Variants in SVEP1 observed in about 807,000 individuals in gnomAD.
SVEP1 encodes sushi, von Willebrand factor type A, EGF and pentraxin domain-containing protein 1.
Under a neutral mutation model 367.3 loss-of-function variants are expected in SVEP1, and 164 were observed. That is an observed-to-expected ratio of 0.45 (90% CI 0.39 to 0.51). The LOEUF is 0.51. Among genes scored for constraint, SVEP1 ranks in the 20% least tolerant of loss-of-function variants. SVEP1 has a pLI of 0.00. For missense variants in SVEP1, 4,117 were observed against 4,425.3 expected (o/e 0.93, Z 1.98); for synonymous variants, 1,666 against 1,611.6 (o/e 1.03, Z -0.81).
At position 110,375,462 on chromosome 9, in the gene SVEP1, T is replaced by C. The variant is rs760326832; in HGVS notation, c.10506A>G (p.Pro3502=). 3.3e-6 allele frequency: 2 copies of C among 600,696 alleles called. No homozygotes were observed. The highest frequency in any genetic ancestry group is 4.7e-6 in the Non-Finnish European group (2 of 428,090). The allele number at this position is 600,696 out of a possible 1,614,324, so 37.2% of individuals were successfully genotyped here. A position where few individuals can be genotyped will look rare whatever the true frequency, so the allele number is the denominator to read the frequency against. Residue 3502 remains proline (P), a splice_region_variant and synonymous_variant, in exon 46 of 48, where the codon CCA becomes CCG. Transcript: ENST00000374469. ...EGWMGRLCEE[P]ICILPCLNGG... ...CGTTCAGACAGGGAAGAATGCAGAT[T>C]GCTAAAAAAAAAAAAAAAAAAAAAA...
At chr9:110,573,067 G>T (rs1830584879) in intron 1 of SVEP1, among the ~76,000 whole-genome samples, 1 of 151,962 alleles carries the variant, frequency 6.6e-6, no homozygotes, top group Non-Finnish European at 1.5e-5. Flanking sequence ...TATCTTTTCA[G>T]CATAAAGAAC....
intron 1 of SVEP1, among the ~76,000 whole-genome samples, chr9:110,555,819 C>T (rs1001738949): frequency 6.6e-5 from 10 of 152,098 alleles, no homozygotes; most frequent in African/African-American, 2.4e-4. Flanking sequence ...TACCCCTCGC[C>T]CCAATCTTTG....
Position 110,427,616 on chromosome 9 carries a change from T to C in SVEP1, c.5950A>G (p.Thr1984Ala). 1.2e-6 allele frequency: 2 copies of C among 1,613,798 alleles called. No individual in the cohort carries two copies. The highest frequency in any genetic ancestry group is 1.7e-6 in the Non-Finnish European group (2 of 1,179,780). Residue 1984 changes from threonine to alanine, a missense_variant, in exon 36 of 48, where the codon ACC becomes GCC. By Grantham distance (58) the Thr-to-Ala change is moderately conservative. Coordinates refer to ENST00000374469, the MANE Select transcript of SVEP1 (RefSeq NM_153366.4). ...ITGNNFTFRN[T>A]VTYTCKEGYT... ...CCTTCTTTGCAAGTGTAAGTGACGGTGTTCCTGAAAGTGAAGTTATTCCCC... is the reference window on the plus strand; with the variant it reads ...CCTTCTTTGCAAGTGTAAGTGACGGCGTTCCTGAAAGTGAAGTTATTCCCC...
chr9:110,555,148 C>T (rs928582875), intron 1 of SVEP1, among the ~76,000 whole-genome samples: 1 of 150,516 alleles, frequency 6.6e-6, no homozygotes, highest in Admixed American at 6.6e-5. Flanking sequence ...GCTTCTTCTA[C>T]AAGGTCACAG....
chr9:110,400,790 T>C (rs924793804), intron 40 of SVEP1, 64 bp downstream of exon 40: 4 of 1,507,588 alleles, frequency 2.7e-6, no homozygotes, highest in Non-Finnish European at 3.6e-6. Flanking sequence ...GTGCTAATAC[T>C]GAAAGTATCC....
At chr9:110,527,461 A>G (rs1829954611) in intron 3 of SVEP1, among the ~76,000 whole-genome samples, 1 of 152,078 alleles carries the variant, frequency 6.6e-6, no homozygotes, top group Admixed American at 6.6e-5. Context: ...TTTGATAAAA[A>G]TGTAAAAATT....
At chr9:110,479,810 A>G in intron 12 of SVEP1, 54 bp from the exon 13 acceptor site, 1 of 1,570,266 alleles carries the variant, frequency 6.4e-7, no homozygotes, top group South Asian at 1.2e-5. Flanking sequence ...TAAAACAAAG[A>G]TTTGACTTTC....
chr9:110,495,244 C>A lies in SVEP1; in HGVS notation c.1800+1571G>T, dbSNP rs9657653. The stretch of plus-strand genomic sequence containing the variant: ...TGTAGTAGGCTGAATAACGGCCCCC[C>A]CAAAGATCATCCATGTTCTAATCCC... On this transcript the variant is annotated intron_variant, in intron 8 of 47. Transcript: ENST00000374469. 1.8e-3 allele frequency among the ~76,000 whole-genome samples: 279 copies of A among 152,172 alleles called. 5 individuals are homozygous for A. In the South Asian group the frequency reaches 0.027, roughly 15 times the overall value.
chr9:110,532,271 A>G (rs1434468460), intron 3 of SVEP1, among the ~76,000 whole-genome samples: 1 of 152,184 alleles, frequency 6.6e-6, no homozygotes, highest in Non-Finnish European at 1.5e-5. Context: ...CAAACATTAT[A>G]ATACCATATG....
intron 11 of SVEP1, 35 bp from the exon 12 acceptor site, chr9:110,481,471 G>A: frequency 1.5e-6 from 2 of 1,347,536 alleles, no homozygotes; most frequent in East Asian, 2.7e-5. Context: ...CATATATAGT[G>A]GTACAAGAAG....
Position 110,366,168 on chromosome 9 carries a change from G to T in SVEP1, c.*371C>A. ...CCACCTCATAAAATGGTACTATCCAGCAAAATATTATTTAGTAGCAAAATA... is the reference window on the plus strand; with the variant it reads ...CCACCTCATAAAATGGTACTATCCATCAAAATATTATTTAGTAGCAAAATA... On this transcript the variant is annotated 3_prime_UTR_variant, in exon 48 of 48. Coordinates refer to ENST00000374469, the MANE Select transcript of SVEP1 (RefSeq NM_153366.4). The T allele has an allele frequency of 5.7e-6, 1 of 175,602 alleles. No homozygotes were observed. The highest frequency in any genetic ancestry group is 1.2e-5 in the Non-Finnish European group (1 of 83,608). The allele number at this position is 175,602 out of a possible 1,614,324, so 10.9% of individuals were successfully genotyped here. A position where few individuals can be genotyped will look rare whatever the true frequency, so the allele number is the denominator to read the frequency against.
At chr9:110,555,173 C>A (rs1355029384) in intron 1 of SVEP1, among the ~76,000 whole-genome samples, 1 of 146,796 alleles carries the variant, frequency 6.8e-6, no homozygotes, top group African/African-American at 2.5e-5. Flanking sequence ...TAACTGTAAG[C>A]AAGACATTAA....
At chr9:110,396,526 CA>C (rs1008673001) in intron 40 of SVEP1, among the ~76,000 whole-genome samples, 3 of 152,030 alleles carry the variant, frequency 2.0e-5, no homozygotes, top group Non-Finnish European at 2.9e-5. Context: ...AATAGAGACA[CA>C]AAAAACTCTT....
chr9:110,578,861 GT>G (rs1830656486), intron 1 of SVEP1, among the ~76,000 whole-genome samples, 151 bp downstream of exon 1: 2 of 152,166 alleles, frequency 1.3e-5, no homozygotes, highest in African/African-American at 4.8e-5. Context: ...TAATAGGCGG[GT>G]AGCGATGACT....
At chr9:110,416,169 G>C (rs191717496) in intron 36 of SVEP1, among the ~76,000 whole-genome samples, 1 of 152,012 alleles carries the variant, frequency 6.6e-6, no homozygotes, top group East Asian at 1.9e-4. Flanking sequence ...TCACAAATGG[G>C]TTGGCAGACA....
Position 110,431,944 on chromosome 9 carries a change from G to A in SVEP1, c.5324C>T (p.Pro1775Leu), listed in dbSNP as rs780135187. Reference sequence around the variant, plus strand: ...ACAGTTTTTCCCATCTCCTGTGTACGGTGGGACACATGAACATATGTAGGA... The same window carrying A: ...ACAGTTTTTCCCATCTCCTGTGTACAGTGGGACACATGAACATATGTAGGA... ...DGSYICSCVPPYTGDGKNCAE... is the reference protein window; with the variant it reads ...DGSYICSCVPLYTGDGKNCAE... Residue 1775 changes from proline to leucine, a missense_variant, in exon 32 of 48, where the codon CCG (proline) becomes CTG (leucine). Coordinates refer to ENST00000374469, the MANE Select transcript of SVEP1 (RefSeq NM_153366.4). 14 of 1,613,370 alleles carry A rather than the reference G, an allele frequency of 8.7e-6. No individual in the cohort carries two copies. The highest frequency in any genetic ancestry group is 4.0e-5 in the African/African-American group (3 of 74,852).
At chr9:110,463,009 A>G (rs1395435263) in intron 18 of SVEP1, among the ~76,000 whole-genome samples, 1 of 152,132 alleles carries the variant, frequency 6.6e-6, no homozygotes, top group Non-Finnish European at 1.5e-5. Flanking sequence ...GAGATGATGT[A>G]TATGTGCATA....
intron 9 of SVEP1, among the ~76,000 whole-genome samples, chr9:110,484,350 G>T (rs1236154720): frequency 1.3e-5 from 2 of 152,200 alleles, no homozygotes; most frequent in Non-Finnish European, 2.9e-5. Flanking sequence ...CACAGCAGAA[G>T]TTAAAGCACT....
chr9:110,507,331 C>T lies in SVEP1; in HGVS notation c.1304-4114G>A, dbSNP rs541931930. ...TTCATACCATGCATACATTTAGTTA[C>T]GTCAAAGACAACCTTAAAATACCAG... On this transcript the variant is annotated intron_variant, in intron 5 of 47. Coordinates refer to ENST00000374469, the MANE Select transcript of SVEP1 (RefSeq NM_153366.4). Among the ~76,000 whole-genome samples the T allele has an allele frequency of 7.9e-5, 12 of 152,256 alleles. No homozygotes were observed. In the South Asian group the frequency reaches 1.9e-3, roughly 24 times the overall value.
Sources: allele counts gnomAD v4.1 joint callset (sites outside exome capture counted in the v4.1 genomes callset), GRCh38; gene constraint gnomAD v4.1.1; transcripts MANE v1.5; gene names NCBI Gene and HGNC (gene_info 2026-07-23, HGNC 2026-07-21).